CCSER1: variants seen among roughly 807,000 people sequenced by gnomAD.
CCSER1 encodes the protein serine-rich coiled-coil domain-containing protein 1.
CCSER1 carries 41 observed loss-of-function variants against 82.0 expected under a neutral mutation model. The observed-to-expected ratio is 0.50, with a 90% CI of 0.39 to 0.65. The LOEUF (loss-of-function observed/expected upper bound fraction) is 0.65, where lower values mean the gene tolerates loss of function less well. Among genes scored for constraint, CCSER1 ranks in the 30% least tolerant of loss-of-function variants. CCSER1 has a pLI of 0.00. For synonymous variants in CCSER1, 414 were observed against 383.9 expected, an observed-to-expected ratio of 1.08 and a Z score of -0.92; for missense variants, 1,119 against 1,064.2, an observed-to-expected ratio of 1.05 and a Z score of -0.72.
intron 10 of CCSER1, among the ~76,000 whole-genome samples, chr4:91,115,647 C>T (rs1726492482): frequency 6.6e-6 from 1 of 151,902 alleles, no homozygotes; most frequent in African/African-American, 2.4e-5. Flanking sequence ...CCATCTTTTG[C>T]TTTCTACTTT....
intron 6 of CCSER1, among the ~76,000 whole-genome samples, chr4:90,655,652 A>G (rs761246005): frequency 3.3e-5 from 5 of 151,882 alleles, no homozygotes; most frequent in East Asian, 1.9e-4. Context: ...ATAGTTTTCA[A>G]TTTATTGTTT....
intron 10 of CCSER1, among the ~76,000 whole-genome samples, chr4:91,436,824 C>A (rs1754684610): frequency 6.6e-6 from 1 of 152,088 alleles, no homozygotes. Context: ...AGAGACAGAG[C>A]AGGACAAAAA....
chr4:90,341,896 T>G (rs1400620877), intron 3 of CCSER1, among the ~76,000 whole-genome samples: 1 of 152,164 alleles, frequency 6.6e-6, no homozygotes, highest in South Asian at 2.1e-4. Flanking sequence ...GTTTACCTTA[T>G]ATGCATAGAT....
intron 10 of CCSER1, among the ~76,000 whole-genome samples, chr4:91,494,906 A>G (rs1758723563): frequency 6.6e-6 from 1 of 151,848 alleles, no homozygotes; most frequent in Admixed American, 6.6e-5. Flanking sequence ...TTATTTTATT[A>G]TACTTCTACG....
intron 10 of CCSER1, among the ~76,000 whole-genome samples, chr4:91,465,627 G>C (rs1314341680): frequency 1.3e-5 from 2 of 152,120 alleles, no homozygotes; most frequent in Non-Finnish European, 2.9e-5. Flanking sequence ...AAGGAGAAAA[G>C]AGAGAAGAAT....
At chr4:90,418,820 T>C (rs1362591554) in intron 4 of CCSER1, among the ~76,000 whole-genome samples, 2 of 152,072 alleles carry the variant, frequency 1.3e-5, no homozygotes, top group Non-Finnish European at 1.5e-5. Context: ...ACTATGTTTA[T>C]TTATTGAAGC....
At chr4:90,941,317 T>C (rs1281611606) in intron 9 of CCSER1, among the ~76,000 whole-genome samples, 1 of 152,122 alleles carries the variant, frequency 6.6e-6, no homozygotes, top group African/African-American at 2.4e-5. Flanking sequence ...GTTAAGTTTA[T>C]TACATATAGC....
At chr4:91,340,680 A>C (rs949036754) in intron 10 of CCSER1, among the ~76,000 whole-genome samples, 1 of 152,284 alleles carries the variant, frequency 6.6e-6, no homozygotes, top group African/African-American at 2.4e-5. Flanking sequence ...ACAGCTTATA[A>C]ATCTAATTTA....
At chr4:91,405,365 A>C (rs1752631793) in intron 10 of CCSER1, among the ~76,000 whole-genome samples, 2 of 152,162 alleles carry the variant, frequency 1.3e-5, no homozygotes, top group Admixed American at 1.3e-4. Context: ...CCTAGAAGAA[A>C]ACCTAGGCAA....
intron 7 of CCSER1, among the ~76,000 whole-genome samples, chr4:90,804,317 G>A (rs1009920105): frequency 6.6e-6 from 1 of 152,142 alleles, no homozygotes; most frequent in Non-Finnish European, 1.5e-5. Flanking sequence ...TATTGCCCAA[G>A]TTTTCTTCTA....
chr4:91,020,627 A>T (rs1452096802), intron 9 of CCSER1, among the ~76,000 whole-genome samples: 1 of 151,806 alleles, frequency 6.6e-6, no homozygotes, highest in Non-Finnish European at 1.5e-5. Flanking sequence ...GCGCCACTGC[A>T]CTCCAGCCTG....
At chr4:90,645,549 G>T (rs182286068) in intron 6 of CCSER1, among the ~76,000 whole-genome samples, 1 of 152,128 alleles carries the variant, frequency 6.6e-6, no homozygotes, top group Admixed American at 6.6e-5. Context: ...ATTCTCAGAT[G>T]GAACAATCCT....
At chr4:91,152,225 G>A (rs1209253103) in intron 10 of CCSER1, among the ~76,000 whole-genome samples, 4 of 152,174 alleles carry the variant, frequency 2.6e-5, no homozygotes, top group Admixed American at 2.6e-4. Context: ...TTACCATTAT[G>A]TAATAGCCTC....
At chr4:91,572,138 G>A (rs1763216013) in intron 10 of CCSER1, among the ~76,000 whole-genome samples, 1 of 152,030 alleles carries the variant, frequency 6.6e-6, no homozygotes, top group Admixed American at 6.6e-5. Flanking sequence ...GAAAATACGG[G>A]AATGGGTACC....
At chr4:91,050,973 TTCC>T (rs1305077604) in intron 9 of CCSER1, among the ~76,000 whole-genome samples, 1 of 152,194 alleles carries the variant, frequency 6.6e-6, no homozygotes, top group East Asian at 1.9e-4. Flanking sequence ...CATGGGGATT[TTCC>T]TTGACTGTTG....
intron 6 of CCSER1, among the ~76,000 whole-genome samples, chr4:90,690,276 C>T (rs1399039125): frequency 1.3e-5 from 2 of 151,878 alleles, no homozygotes; most frequent in Non-Finnish European, 2.9e-5. Flanking sequence ...CATGGGAGGT[C>T]AAAGAACACT....
intron 10 of CCSER1, among the ~76,000 whole-genome samples, chr4:91,245,218 T>C (rs974894375): frequency 3.3e-5 from 5 of 152,124 alleles, no homozygotes; most frequent in Non-Finnish European, 7.4e-5. Context: ...TATAGTGGTA[T>C]AAAGCTTGTT....
chr4:90,732,367 T>C (rs1744910190), intron 7 of CCSER1, among the ~76,000 whole-genome samples: 1 of 152,040 alleles, frequency 6.6e-6, no homozygotes, highest in South Asian at 2.1e-4. Flanking sequence ...TCAACAGAGA[T>C]CACACTCGCC....
chr4:91,153,205 A>G (rs561543085), intron 10 of CCSER1, among the ~76,000 whole-genome samples: 1 of 151,794 alleles, frequency 6.6e-6, no homozygotes, highest in Non-Finnish European at 1.5e-5. Context: ...GGCTTTGTTC[A>G]TTTCTTGTTA....
Sources: allele counts gnomAD v4.1 joint callset (sites outside exome capture counted in the v4.1 genomes callset), GRCh38; gene constraint gnomAD v4.1.1; transcripts MANE v1.5; gene names NCBI Gene and HGNC (gene_info 2026-07-23, HGNC 2026-07-21).